PITPNM2: variants seen among roughly 807,000 people sequenced by gnomAD.
The protein encoded by PITPNM2 is membrane-associated phosphatidylinositol transfer protein 2.
Under a neutral mutation model 132.2 loss-of-function variants are expected in PITPNM2, and 35 were observed. The observed-to-expected ratio is 0.26, with a 90% CI of 0.20 to 0.35. The LOEUF is 0.35. Among genes scored for constraint, PITPNM2 ranks in the 10% least tolerant of loss-of-function variants. The probability of loss-of-function intolerance (pLI) is 1.00; values close to 1 mark genes in which losing one functional copy is unlikely to be tolerated. For synonymous variants in PITPNM2, 738 were observed against 799.2 expected (o/e 0.92, Z 1.29); for missense variants, 1,332 against 1,912.0 (o/e 0.70, Z 5.66).
intron 2 of PITPNM2, among the ~76,000 whole-genome samples, chr12:123,048,473 C>T (rs2040742894): frequency 2.0e-5 from 3 of 150,450 alleles, no homozygotes; most frequent in South Asian, 2.1e-4. Context: ...ACTGCAGTGG[C>T]GCAATCTCGG....
rs200454772 is a variant in PITPNM2 at position 122,997,399 on chromosome 12, G to C, written c.1398C>G (p.Ser466Arg). 32 of 1,613,354 alleles carry C rather than the reference G, an allele frequency of 2.0e-5. No homozygotes were observed. Among genetic ancestry groups the C allele is most frequent in the Non-Finnish European group, 2.1e-5 (25 of 1,180,000 alleles). The change falls in exon 11 of 26, where the codon AGC (serine) becomes AGG (arginine). Residue 466 changes from serine (S) to arginine (R), a missense_variant. By Grantham distance (110) the Ser-to-Arg change is moderately radical (BLOSUM62 -1). Coordinates refer to ENST00000320201, the MANE Select transcript of PITPNM2 (RefSeq NM_020845.3). ...FDTVMRVHYP[S>R]ALGRLAIRLV... ...GGCGGATGGCAAGGCGGCCCAGGGCGCTGGGGTAGTGCACGCGCATGACGG... is the reference window on the plus strand; with the variant it reads ...GGCGGATGGCAAGGCGGCCCAGGGCCCTGGGGTAGTGCACGCGCATGACGG...
chr12:123,073,183 C>T lies in PITPNM2; in HGVS notation c.-96+37202G>A, dbSNP rs140070304. On this transcript the variant is annotated intron_variant, in intron 2 of 25. Transcript: ENST00000320201. ...TATACTTTCAACCTCTTAGGAAGAG[C>T]TCTTAAATGGATGAGCCTTTTTTCT... Among the ~76,000 whole-genome samples the T allele has an allele frequency of 4.6e-5, 7 of 152,350 alleles. No homozygotes were observed. The East Asian group carries it at 1.3e-3, about 29-fold the overall frequency.
chr12:123,023,812 CT>C lies in PITPNM2; in HGVS notation c.79-9771del, dbSNP rs1270005641. On this transcript the variant is annotated intron_variant, in intron 3 of 25. Transcript: ENST00000320201. This position sits in a 1 kb window ranked among gnomAD's most constrained non-coding sequence, Gnocchi z 4.8. ...CTCATCAAAATTAACAACTTTTATGCTTCAAAGGACACTAAAAAGAAAGTGA... is the reference window on the plus strand; with the variant it reads ...CTCATCAAAATTAACAACTTTTATGCTCAAAGGACACTAAAAAGAAAGTGA... Among the ~76,000 whole-genome samples the C allele has an allele frequency of 3.3e-5, 5 of 152,114 alleles. No homozygotes were observed. Among genetic ancestry groups the C allele is most frequent in the African/African-American group, 1.2e-4 (5 of 41,432 alleles).
At chr12:123,030,900 AC>A (rs1167081929) in intron 3 of PITPNM2, among the ~76,000 whole-genome samples, 1 of 152,030 alleles carries the variant, frequency 6.6e-6, no homozygotes, top group African/African-American at 2.4e-5. Flanking sequence ...AAAGAGCAAC[AC>A]TGTGAGTGAT....
intron 1 of PITPNM2, among the ~76,000 whole-genome samples, chr12:123,135,101 G>A (rs78856743): frequency 0.037 from 5,553 of 152,084 alleles, 246 homozygotes; most frequent in East Asian, 0.25. Context: ...AGCTGGAAAC[G>A]CCCCACACCA....
In PITPNM2 at chr12:123,132,987, G is replaced by A. The variant is rs958114759; in HGVS notation, c.-200+17766C>T. Among the ~76,000 whole-genome samples, 7 of 152,268 alleles carry A rather than the reference G, an allele frequency of 4.6e-5. No homozygotes were observed. The South Asian group carries it at 8.3e-4, about 18-fold the overall frequency. Reference sequence around the variant, plus strand: ...CTTGAGTTGTTTCCACCTTTTGGCCGCTGAGAACAGCACTACTATGAACAT... The same window carrying A: ...CTTGAGTTGTTTCCACCTTTTGGCCACTGAGAACAGCACTACTATGAACAT... On this transcript the variant is annotated intron_variant, in intron 1 of 25. Transcript: ENST00000320201.
At position 123,108,163 on chromosome 12, in the gene PITPNM2, T is replaced by C. The variant is rs995374882; in HGVS notation, c.-96+2222A>G. Among the ~76,000 whole-genome samples, 6 of 152,192 alleles carry C rather than the reference T, an allele frequency of 3.9e-5. No homozygotes were observed. The highest frequency in any genetic ancestry group is 7.4e-5 in the Non-Finnish European group (5 of 68,026). ...GGATGCCTGTCTGTTTTGTTCACAG[T>C]GGCGTCTCTGGCAACTGGAATGGTC... On this transcript the variant is annotated intron_variant, in intron 2 of 25. Coordinates refer to ENST00000320201, the MANE Select transcript of PITPNM2 (RefSeq NM_020845.3). The surrounding 1 kb of genome is among the most constrained non-coding windows in gnomAD (Gnocchi z 4.4).
chr12:123,117,978 G>A lies in PITPNM2; in HGVS notation c.-199-7490C>T, dbSNP rs2042963017. ...GCACAGATTCACTGGAGAACTCCAG[G>A]GGAGCCCCAAGGGATGGGAGAGCCA... On this transcript the variant is annotated intron_variant, in intron 1 of 25. Coordinates refer to ENST00000320201, the MANE Select transcript of PITPNM2 (RefSeq NM_020845.3). This position sits in a 1 kb window ranked among gnomAD's most constrained non-coding sequence, Gnocchi z 4.7. Among the ~76,000 whole-genome samples, 1 of 152,134 alleles carries A rather than the reference G, an allele frequency of 6.6e-6. No individual in the cohort carries two copies. The highest frequency in any genetic ancestry group is 6.5e-5 in the Admixed American group (1 of 15,268).
intron 1 of PITPNM2, among the ~76,000 whole-genome samples, chr12:123,121,967 A>G (rs1488995606): frequency 6.6e-6 from 1 of 151,556 alleles, no homozygotes; most frequent in Non-Finnish European, 1.5e-5. Flanking sequence ...TGATCCTCCC[A>G]CCTCAGCCTC....
At chr12:123,014,191 C>T (rs1029162300) in intron 3 of PITPNM2, 149 bp from the exon 4 acceptor site, 61 of 776,020 alleles carry the variant, frequency 7.9e-5, no homozygotes, top group Non-Finnish European at 1.1e-4. Flanking sequence ...TCCAGGCCCC[C>T]AAATCTATAT....
At position 123,082,136 on chromosome 12, in the gene PITPNM2, C is replaced by T. The variant is rs1298385748; in HGVS notation, c.-96+28249G>A. On this transcript the variant is annotated intron_variant, in intron 2 of 25. Coordinates refer to ENST00000320201, the MANE Select transcript of PITPNM2 (RefSeq NM_020845.3). The surrounding 1 kb of genome is among the most constrained non-coding windows in gnomAD (Gnocchi z 5.4). ...CCTGAATGGCCTCTCTCCACCCACT[C>T]AGAGTGAGGGCCTGCAGGCTCTGCC... 1 of 152,366 alleles carries T rather than the reference C, an allele frequency of 6.6e-6. No homozygotes were observed. The highest frequency in any genetic ancestry group is 2.4e-5 in the African/African-American group (1 of 41,472). 9.4% of individuals were successfully genotyped at this position (152,366 alleles called of 1,614,324 possible).
At chr12:123,049,447 C>A (rs1312981013) in intron 2 of PITPNM2, among the ~76,000 whole-genome samples, 3 of 152,236 alleles carry the variant, frequency 2.0e-5, no homozygotes. Context: ...TCGCCACTCT[C>A]CAGCCACATG....
intron 1 of PITPNM2, among the ~76,000 whole-genome samples, chr12:123,139,488 G>A (rs1227430870): frequency 6.7e-6 from 1 of 148,838 alleles, no homozygotes; most frequent in Non-Finnish European, 1.5e-5. Context: ...GCGACAATGA[G>A]AGATTACCTC....
intron 1 of PITPNM2, among the ~76,000 whole-genome samples, chr12:123,118,060 T>C (rs1351864512): frequency 6.6e-6 from 1 of 152,252 alleles, no homozygotes; most frequent in African/African-American, 2.4e-5. Context: ...TCACAGAGCA[T>C]GCAATTCAAC....
At chr12:122,999,972 T>C (rs2038587722) in intron 10 of PITPNM2, among the ~76,000 whole-genome samples, 1 of 152,146 alleles carries the variant, frequency 6.6e-6, no homozygotes, top group African/African-American at 2.4e-5. Context: ...TAAGCAGCAA[T>C]TGGAAATCAA....
intron 2 of PITPNM2, among the ~76,000 whole-genome samples, chr12:123,100,180 T>A (rs1242095140): frequency 6.6e-6 from 1 of 152,224 alleles, no homozygotes; most frequent in Non-Finnish European, 1.5e-5. Flanking sequence ...CAATTCTCCA[T>A]GCAGATAAAA....
rs1254612718 is a variant in PITPNM2, at chr12:123,083,531, C to T, written c.-96+26854G>A. 6.6e-6 allele frequency: 1 copy of T among 152,286 alleles called. No individual in the cohort carries two copies. The highest frequency in any genetic ancestry group is 1.5e-5 in the Non-Finnish European group (1 of 68,074). The allele number at this position is 152,286 out of a possible 1,614,324, so 9.4% of individuals were successfully genotyped here. Reference sequence around the variant, plus strand: ...CGGTGCTCAGCGTGGCAGGACGCCCCACTTGATGGTAGGCTTCTCCCAGAT... The same window carrying T: ...CGGTGCTCAGCGTGGCAGGACGCCCTACTTGATGGTAGGCTTCTCCCAGAT... On this transcript the variant is annotated intron_variant, in intron 2 of 25. Coordinates refer to ENST00000320201, the MANE Select transcript of PITPNM2 (RefSeq NM_020845.3). This position sits in a 1 kb window ranked among gnomAD's most constrained non-coding sequence, Gnocchi z 4.5.
intron 1 of PITPNM2, among the ~76,000 whole-genome samples, chr12:123,130,639 G>A (rs951639410): frequency 1.3e-5 from 2 of 152,178 alleles, no homozygotes; most frequent in Non-Finnish European, 2.9e-5. Context: ...AATTAGCCGG[G>A]CGTGGTGGCG....
chr12:123,130,055 C>G (rs1000803919), intron 1 of PITPNM2, among the ~76,000 whole-genome samples: 1 of 152,066 alleles, frequency 6.6e-6, no homozygotes, highest in South Asian at 2.1e-4. Flanking sequence ...AGGTACACAC[C>G]ACCATACCCA....
Sources: allele counts gnomAD v4.1 joint callset (sites outside exome capture counted in the v4.1 genomes callset), GRCh38; gene constraint gnomAD v4.1.1; non-coding constraint Gnocchi (gnomAD v3.1); transcripts MANE v1.5; gene names NCBI Gene and HGNC (gene_info 2026-07-23, HGNC 2026-07-21).